The following FAT3 variants were observed in gnomAD, a reference collection of about 807,000 sequenced individuals.
FAT3 encodes FAT atypical cadherin 3, also known as protocadherin Fat 3.
Under a neutral mutation model 310.2 loss-of-function variants are expected in FAT3, and 95 were observed. The ratio of observed to expected loss-of-function variants is 0.31; its 90% CI spans 0.26 to 0.36. FAT3 has a LOEUF of 0.36. Among genes scored for constraint, FAT3 ranks in the 10% least tolerant of loss-of-function variants. FAT3 has a pLI of 1.00. For missense variants in FAT3, 5,408 were observed against 5,715.6 expected, an observed-to-expected ratio of 0.95 and a Z score of 1.74; for synonymous variants, 2,314 against 2,192.9, an observed-to-expected ratio of 1.06 and a Z score of -1.54.
intron 4 of FAT3, among the ~76,000 whole-genome samples, chr11:92,757,553 A>C (rs1946036210): frequency 6.6e-6 from 1 of 152,164 alleles, no homozygotes; most frequent in Non-Finnish European, 1.5e-5. Context: ...TTCAGGCCTA[A>C]CGTATTATGA....
chr11:92,807,381 A>T (rs1033595122), intron 12 of FAT3, among the ~76,000 whole-genome samples: 2 of 152,162 alleles, frequency 1.3e-5, no homozygotes, highest in African/African-American at 4.8e-5. Context: ...TTGGGCTCTA[A>T]GAAATTGTAG....
At chr11:92,672,050 C>T (rs1943146004) in intron 3 of FAT3, among the ~76,000 whole-genome samples, 2 of 152,046 alleles carry the variant, frequency 1.3e-5, no homozygotes, top group African/African-American at 4.8e-5. Context: ...ACCTGGGAGG[C>T]GGAGGTTGCA....
chr11:92,244,040 C>T (rs1716457443), intron 1 of FAT3, among the ~76,000 whole-genome samples: 1 of 151,968 alleles, frequency 6.6e-6, no homozygotes, highest in South Asian at 2.1e-4. Context: ...CTCTGCCTTA[C>T]CACTCTTTCC....
chr11:92,493,208 TC>T (rs1952659042), intron 2 of FAT3, among the ~76,000 whole-genome samples: 1 of 152,132 alleles, frequency 6.6e-6, no homozygotes. Context: ...GCTTGAATTC[TC>T]AGAATTTCTC....
intron 7 of FAT3, among the ~76,000 whole-genome samples, chr11:92,786,159 C>A (rs1328035913): frequency 6.6e-6 from 1 of 151,870 alleles, no homozygotes. Context: ...AATTGCAACT[C>A]GATTAGCGAT....
chr11:92,378,222 A>G (rs1949400063), intron 2 of FAT3, among the ~76,000 whole-genome samples: 1 of 152,166 alleles, frequency 6.6e-6, no homozygotes, highest in African/African-American at 2.4e-5. Context: ...ACTTTCTTAT[A>G]AATGTGGTTA....
intron 1 of FAT3, among the ~76,000 whole-genome samples, chr11:92,281,919 T>C (rs963330899): frequency 6.6e-6 from 1 of 152,134 alleles, no homozygotes; most frequent in African/African-American, 2.4e-5. Flanking sequence ...CCTTCTTTTT[T>C]TTTTGAGACA....
At chr11:92,642,903 C>G (rs1390397078) in intron 3 of FAT3, among the ~76,000 whole-genome samples, 2 of 152,200 alleles carry the variant, frequency 1.3e-5, no homozygotes, top group Non-Finnish European at 2.9e-5. Flanking sequence ...TGGAACAGAG[C>G]TAACCCTTAC....
chr11:92,385,278 A>G (rs1949590740), intron 2 of FAT3, among the ~76,000 whole-genome samples: 3 of 152,222 alleles, frequency 2.0e-5, no homozygotes. Context: ...GCATCCCAGG[A>G]AATGGGCTGG....
intron 15 of FAT3, 109 bp from the exon 16 acceptor site, chr11:92,836,457 C>G: frequency 7.7e-7 from 1 of 1,298,102 alleles, no homozygotes; most frequent in Non-Finnish European, 1.0e-6. Flanking sequence ...GCAGAGCTCC[C>G]GAGAAAACTG....
At chr11:92,592,715 T>G (rs2135563326) in intron 3 of FAT3, among the ~76,000 whole-genome samples, 1 of 152,186 alleles carries the variant, frequency 6.6e-6, no homozygotes, top group East Asian at 1.9e-4. Context: ...TAACTGAAAA[T>G]TTGAGCACTA....
At chr11:92,757,644 G>A (rs1309086087) in intron 4 of FAT3, among the ~76,000 whole-genome samples, 1 of 152,144 alleles carries the variant, frequency 6.6e-6, no homozygotes, top group Non-Finnish European at 1.5e-5. Context: ...AATATTCCAG[G>A]CACAAATGTG....
At chr11:92,232,792 A>G (rs1864243966) in intron 1 of FAT3, among the ~76,000 whole-genome samples, 1 of 152,090 alleles carries the variant, frequency 6.6e-6, no homozygotes, top group Non-Finnish European at 1.5e-5. Flanking sequence ...CTGAAAAACA[A>G]CAATTGGGAG....
chr11:92,628,949 C>G (rs1941442446), intron 3 of FAT3, among the ~76,000 whole-genome samples: 1 of 152,178 alleles, frequency 6.6e-6, no homozygotes, highest in African/African-American at 2.4e-5. Flanking sequence ...TTGAAATGAC[C>G]CTATCACAGA....
chr11:92,800,327 C>A lies in FAT3; in HGVS notation c.7314C>A (p.Asp2438Glu), dbSNP rs536603039. The A allele has an allele frequency of 1.8e-4, 297 of 1,613,834 alleles. No individual in the cohort carries two copies. Among genetic ancestry groups the A allele is most frequent in the Non-Finnish European group, 2.5e-4 (290 of 1,179,866 alleles). Residue 2438 changes from aspartate to glutamate, a missense_variant, in exon 10 of 28, where the codon GAC becomes GAA. Coordinates refer to ENST00000525166, the MANE Select transcript of FAT3 (RefSeq NM_001367949.2). ...RLEYSILSGN[D>E]RTSFLMDSKS... ...AATATAGCATTTTATCTGGGAATGA[C>A]CGGACGAGCTTTCTGATGGACAGCA...
chr11:92,427,116 G>A (rs553875531), intron 2 of FAT3, among the ~76,000 whole-genome samples: 1 of 152,118 alleles, frequency 6.6e-6, no homozygotes, highest in East Asian at 1.9e-4. Context: ...GTATTCCTAG[G>A]TATTTTATTC....
At chr11:92,504,418 C>A (rs766483771) in intron 2 of FAT3, among the ~76,000 whole-genome samples, 7 of 152,060 alleles carry the variant, frequency 4.6e-5, no homozygotes, top group Non-Finnish European at 7.4e-5. Flanking sequence ...GGAAGGGTTT[C>A]CAAAAGACTG....
intron 3 of FAT3, among the ~76,000 whole-genome samples, chr11:92,603,699 T>G: frequency 6.6e-6 from 1 of 152,166 alleles, no homozygotes; most frequent in Admixed American, 6.6e-5. Context: ...TTGTATAGAG[T>G]AGGTGTCTAT....
rs1441382822 is a variant in FAT3, at chr11:92,793,291, C to A, written c.4822+314C>A. ...TACCTGTGGACCAACAAGCCAGGGC[C>A]TCAGACTAAAATAACAAAAGCCGCC... is the stretch of plus-strand genomic sequence containing the variant. On this transcript the variant is annotated intron_variant, in intron 9 of 27. Transcript: ENST00000525166. Among the ~76,000 whole-genome samples, 3 of 152,100 alleles carry A rather than the reference C, an allele frequency of 2.0e-5. No homozygotes were observed. The East Asian group carries it at 5.8e-4, about 29-fold the overall frequency.
Sources: gnomAD v4.1 joint callset for allele counts (sites outside exome capture counted in the v4.1 genomes callset) on GRCh38, gnomAD v4.1.1 for gene constraint, MANE v1.5 for transcripts, NCBI Gene and HGNC (gene_info 2026-07-23, HGNC 2026-07-21) for gene names.